The following ANO2 variants were observed in gnomAD, a reference collection of about 807,000 sequenced individuals.
The protein encoded by ANO2 is anoctamin-2.
ANO2 carries 101 observed loss-of-function variants against 124.2 expected under a neutral mutation model. The observed-to-expected ratio is 0.81, with a 90% CI of 0.69 to 0.96. The LOEUF (loss-of-function observed/expected upper bound fraction) is 0.96, where lower values mean the gene tolerates loss of function less well. Ranked by LOEUF, ANO2 falls within the 40% of genes least tolerant of loss-of-function variation. The pLI, the probability that ANO2 is intolerant of heterozygous loss-of-function variation, is 0.00. For missense variants in ANO2, 1,293 were observed against 1,274.5 expected (o/e 1.01, Z -0.22); for synonymous variants, 486 against 482.5 (o/e 1.01, Z -0.09).
rs1591798297 is a variant in ANO2, at chr12:5,923,159, CGCAT to C, written c.23-359_23-356del. On this transcript the variant is annotated intron_variant, in intron 1 of 24. Transcript: ENST00000682330. Reference sequence around the variant, plus strand: ...ACACACACATGCACACATACACACACGCATACACACACACGCACACACACATACA... The same window carrying C: ...ACACACACATGCACACATACACACACACACACACACGCACACACACATACA... 3.3e-5 allele frequency among the ~76,000 whole-genome samples: 3 copies of C among 92,290 alleles called. 1 individual carries two copies. Among genetic ancestry groups the C allele is most frequent in the East Asian group, 2.8e-4 (1 of 3,630 alleles). 60.5% of individuals were successfully genotyped at this position (92,290 alleles called of 152,430 possible).
intron 3 of ANO2, among the ~76,000 whole-genome samples, chr12:5,859,973 C>T (rs551399420): frequency 5.9e-5 from 9 of 152,174 alleles, no homozygotes; most frequent in Non-Finnish European, 1.2e-4. Context: ...CTGCTGACGT[C>T]TCACTCCCTC....
intron 4 of ANO2, among the ~76,000 whole-genome samples, chr12:5,833,926 G>A (rs561643658): frequency 7.2e-5 from 11 of 152,152 alleles, no homozygotes; most frequent in East Asian, 3.9e-4. Flanking sequence ...GCCTTGGTCC[G>A]CCTTATCCCT....
chr12:5,720,464 G>T (rs1565606337), intron 14 of ANO2, among the ~76,000 whole-genome samples: 1 of 152,130 alleles, frequency 6.6e-6, no homozygotes, highest in Non-Finnish European at 1.5e-5. Flanking sequence ...GACAGCAAAA[G>T]ACAAATTTAA....
chr12:5,933,421 T>C (rs1037127538), intron 1 of ANO2, among the ~76,000 whole-genome samples: 1 of 152,084 alleles, frequency 6.6e-6, no homozygotes, highest in Non-Finnish European at 1.5e-5. Flanking sequence ...GAGAACAACA[T>C]AATTAGATTA....
rs370106678 is a variant in ANO2 at position 5,615,039 on chromosome 12, T to C, written c.1928+147A>G. 6.7e-5 allele frequency: 39 copies of C among 584,410 alleles called. No individual in the cohort carries two copies. The East Asian group carries it at 7.6e-4, about 11-fold the overall frequency. The allele number at this position is 584,410 out of a possible 1,614,324, so 36.2% of individuals were successfully genotyped here. On this transcript the variant is annotated intron_variant, in intron 17 of 24. Coordinates refer to ENST00000682330, the MANE Select transcript of ANO2 (RefSeq NM_001364791.2). ...AAAATGATTGCCTGCTAACATTCCT[T>C]CTCCATGGGAAGGCAGGTGAAAGTG...
intron 3 of ANO2, among the ~76,000 whole-genome samples, chr12:5,894,790 C>A (rs1042507344): frequency 2.8e-4 from 42 of 152,056 alleles, no homozygotes; most frequent in African/African-American, 9.9e-4. Flanking sequence ...TGTCAAAGAC[C>A]AGATGGTTGT....
Position 5,635,364 on chromosome 12 carries a change from A to G in ANO2, c.1621-17T>C, listed in dbSNP as rs1467825199. The G allele has an allele frequency of 6.5e-7, 1 of 1,535,270 alleles. No homozygotes were observed. The highest frequency in any genetic ancestry group is 8.7e-7 in the Non-Finnish European group (1 of 1,145,168). On this transcript the variant is annotated splice_polypyrimidine_tract_variant and intron_variant, in intron 15 of 24. Transcript: ENST00000682330. The surrounding 1 kb of genome is among the most constrained non-coding windows in gnomAD (Gnocchi z 5.2). ...CAGGGCAATCTGTTTGGGAAAACAG[A>G]GAGAAGTACACATCAGCCGGCAATT...
chr12:5,718,946 T>C (rs1354594624), intron 14 of ANO2, among the ~76,000 whole-genome samples: 2 of 152,160 alleles, frequency 1.3e-5, no homozygotes, highest in African/African-American at 4.8e-5. Context: ...TGATGGGAGG[T>C]ACCGCAGCTT....
intron 14 of ANO2, among the ~76,000 whole-genome samples, chr12:5,656,179 C>A (rs1335936364): frequency 2.6e-5 from 4 of 152,144 alleles, no homozygotes; most frequent in Admixed American, 2.6e-4. Context: ...AGCACTTCCC[C>A]ATACTCTTTT....
At chr12:5,814,658 T>C (rs1272113111) in intron 7 of ANO2, among the ~76,000 whole-genome samples, 1 of 152,250 alleles carries the variant, frequency 6.6e-6, no homozygotes. Flanking sequence ...TTGTGTCTGT[T>C]GGATTCACTA....
chr12:5,938,346 C>T (rs1277702993), intron 1 of ANO2, among the ~76,000 whole-genome samples: 5 of 152,196 alleles, frequency 3.3e-5, no homozygotes, highest in African/African-American at 1.2e-4. Flanking sequence ...AGGGATTGTA[C>T]TTCTATGCTG....
intron 3 of ANO2, among the ~76,000 whole-genome samples, chr12:5,878,951 C>T (rs1050137665): frequency 2.0e-5 from 3 of 152,198 alleles, no homozygotes; most frequent in Non-Finnish European, 2.9e-5. Flanking sequence ...CCTGCTCAGG[C>T]TTAACATTTG....
intron 14 of ANO2, among the ~76,000 whole-genome samples, chr12:5,695,375 T>TA (rs78967769): frequency 0.043 from 5,554 of 127,756 alleles, 110 homozygotes; most frequent in African/African-American, 0.05. Flanking sequence ...ACATGGAACT[T>TA]AAAAAAAAAA....
At position 5,612,723 on chromosome 12, in the gene ANO2, T is replaced by C; in HGVS notation, c.2020A>G (p.Ile674Val). ...APGGCLMELC[I>V]QLSIIMLGKQ... The stretch of plus-strand genomic sequence containing the variant: ...CCCAACATGATGATGCTGAGCTGAA[T>C]GCAGAGCTCCATGAGACAGCCCCCT... The change falls in exon 19 of 25, where the codon ATT (isoleucine) becomes GTT (valine). Residue 674 changes from isoleucine (I) to valine (V), a missense_variant. Physicochemically the swap from Ile to Val is conservative, Grantham distance 29. Transcript: ENST00000682330. 1 of 1,613,890 alleles carries C rather than the reference T, an allele frequency of 6.2e-7. No homozygotes were observed. Among genetic ancestry groups the C allele is most frequent in the South Asian group, 1.1e-5 (1 of 91,076 alleles).
rs558108910 is a variant in ANO2, at chr12:5,708,420, T to C, written c.1545+24100A>G. Among the ~76,000 whole-genome samples the C allele has an allele frequency of 4.8e-4, 73 of 152,344 alleles. 1 individual carries two copies. The highest frequency in any genetic ancestry group is 1.1e-3 in the Admixed American group (17 of 15,308). The stretch of plus-strand genomic sequence containing the variant: ...GGCTACCAAGCTCTGCATCTCTGCA[T>C]GATCTAGCTCCTCTTTGACCTTCAA... On this transcript the variant is annotated intron_variant, in intron 14 of 24. Transcript: ENST00000682330.
At chr12:5,650,268 T>G (rs1029981238) in intron 14 of ANO2, among the ~76,000 whole-genome samples, 5 of 152,216 alleles carry the variant, frequency 3.3e-5, no homozygotes, top group African/African-American at 1.2e-4. Flanking sequence ...GAAGGTGGCA[T>G]TACTATTTTG....
intron 3 of ANO2, among the ~76,000 whole-genome samples, chr12:5,897,654 C>T (rs776974928): frequency 4.6e-5 from 7 of 151,584 alleles, no homozygotes; most frequent in African/African-American, 7.3e-5. Flanking sequence ...AAGAATGGTC[C>T]GTTCAATAAA....
At chr12:5,914,445 T>C (rs1442991160) in intron 3 of ANO2, among the ~76,000 whole-genome samples, 4 of 152,046 alleles carry the variant, frequency 2.6e-5, no homozygotes, top group Non-Finnish European at 4.4e-5. Flanking sequence ...GAGAAAGGAT[T>C]TGGGAAATTC....
chr12:5,590,865 C>T (rs1943361583), intron 20 of ANO2, among the ~76,000 whole-genome samples: 2 of 152,112 alleles, frequency 1.3e-5, no homozygotes, highest in South Asian at 4.1e-4. Context: ...GCTGAAAAAC[C>T]AACTCATGAT....
Sources: allele counts gnomAD v4.1 joint callset (sites outside exome capture counted in the v4.1 genomes callset), GRCh38; gene constraint gnomAD v4.1.1; non-coding constraint Gnocchi (gnomAD v3.1); transcripts MANE v1.5; gene names NCBI Gene and HGNC (gene_info 2026-07-23, HGNC 2026-07-21).